The following PPARGC1A variants were observed in gnomAD, a reference collection of about 807,000 sequenced individuals.
The protein encoded by PPARGC1A is PPARG coactivator 1 alpha.
Under a neutral mutation model 88.7 loss-of-function variants are expected in PPARGC1A, and 25 were observed. The ratio of observed to expected loss-of-function variants is 0.28; its 90% CI spans 0.21 to 0.39. The LOEUF is 0.39. Ranked by LOEUF, PPARGC1A falls within the 10% of genes least tolerant of loss-of-function variation. The pLI is 1.00. For missense variants in PPARGC1A, 880 were observed against 968.7 expected, an observed-to-expected ratio of 0.91 and a Z score of 1.22; for synonymous variants, 363 against 355.6, an observed-to-expected ratio of 1.02 and a Z score of -0.24.
chr4:24,452,127 A>C, the PPARGC1A span, among the ~76,000 whole-genome samples: 29 of 151,826 alleles, frequency 1.9e-4, 1 homozygote, highest in African/African-American at 7.0e-4. Context: ...ATTACAACTC[A>C]AACTGAAACT....
chr4:24,041,648 G>A, the PPARGC1A span, among the ~76,000 whole-genome samples: 1 of 152,222 alleles, frequency 6.6e-6, no homozygotes, highest in Admixed American at 6.5e-5. Context: ...AAGCCTAAAT[G>A]AAAAGAGTAT....
chr4:24,163,771 C>T, the PPARGC1A span, among the ~76,000 whole-genome samples: 2 of 152,174 alleles, frequency 1.3e-5, no homozygotes, highest in African/African-American at 4.8e-5. Context: ...ATGCTTTAGC[C>T]AGTTAGAAAC....
the PPARGC1A span, among the ~76,000 whole-genome samples, chr4:24,296,191 A>ATGTG: frequency 6.8e-6 from 1 of 147,694 alleles, no homozygotes; most frequent in African/African-American, 2.5e-5. Context: ...GTATGTGTGT[A>ATGTG]TGTGTGTGTG....
At chr4:23,832,679 G>T (rs1298607916) in intron 2 of PPARGC1A, among the ~76,000 whole-genome samples, 1 of 148,478 alleles carries the variant, frequency 6.7e-6, no homozygotes, top group South Asian at 2.1e-4. Context: ...GCGCGATCTC[G>T]GCTCACTGCA....
At chr4:23,913,239 A>ATT in the PPARGC1A span, among the ~76,000 whole-genome samples, 163 of 112,580 alleles carry the variant, frequency 1.4e-3, 4 homozygotes, top group Admixed American at 0.013. Flanking sequence ...TATATTATAT[A>ATT]TTTTATATAT....
intron 2 of PPARGC1A, among the ~76,000 whole-genome samples, chr4:23,834,516 T>C (rs1032657108): frequency 2.6e-5 from 4 of 151,672 alleles, no homozygotes; most frequent in South Asian, 2.1e-4. Flanking sequence ...AAACCTCTAG[T>C]TTAGGAGGCA....
chr4:24,036,145 T>C, the PPARGC1A span, among the ~76,000 whole-genome samples: 2 of 152,324 alleles, frequency 1.3e-5, no homozygotes, highest in Admixed American at 1.3e-4. Flanking sequence ...CATAGAGTTA[T>C]TGTGAGAATT....
chr4:24,455,968 C>T, the PPARGC1A span, among the ~76,000 whole-genome samples: 1 of 152,174 alleles, frequency 6.6e-6, no homozygotes, highest in Non-Finnish European at 1.5e-5. Context: ...AGATAGGCTG[C>T]TTTAGACACT....
the PPARGC1A span, among the ~76,000 whole-genome samples, chr4:24,370,073 C>G: frequency 6.6e-6 from 1 of 152,258 alleles, no homozygotes; most frequent in East Asian, 1.9e-4. Flanking sequence ...GAAAAACAAG[C>G]TTCAGGCTCA....
At chr4:24,298,023 G>A in the PPARGC1A span, among the ~76,000 whole-genome samples, 1 of 152,146 alleles carries the variant, frequency 6.6e-6, no homozygotes, top group Non-Finnish European at 1.5e-5. Context: ...CAGAGATGGA[G>A]ATAACAGAAA....
At chr4:24,372,403 C>T in the PPARGC1A span, among the ~76,000 whole-genome samples, 3 of 152,092 alleles carry the variant, frequency 2.0e-5, no homozygotes, top group Admixed American at 6.5e-5. Context: ...TTAAGCTTCC[C>T]CTGTGGTTCT....
chr4:24,416,001 G>A, the PPARGC1A span, among the ~76,000 whole-genome samples: 1 of 152,116 alleles, frequency 6.6e-6, no homozygotes, highest in Non-Finnish European at 1.5e-5. Flanking sequence ...CCAGCAAGGG[G>A]TCGTGATTAA....
At chr4:24,181,390 T>G in the PPARGC1A span, among the ~76,000 whole-genome samples, 5 of 152,232 alleles carry the variant, frequency 3.3e-5, no homozygotes, top group African/African-American at 1.2e-4. Flanking sequence ...AGGATAATAT[T>G]GGTAGCTACC....
At chr4:24,155,622 A>T in the PPARGC1A span, among the ~76,000 whole-genome samples, 9 of 151,812 alleles carry the variant, frequency 5.9e-5, no homozygotes, top group Non-Finnish European at 1.0e-4. Flanking sequence ...ATACAAGAGG[A>T]ATATGATCAT....
At chr4:24,075,412 C>A in the PPARGC1A span, among the ~76,000 whole-genome samples, 1 of 152,146 alleles carries the variant, frequency 6.6e-6, no homozygotes. Flanking sequence ...TCAAAACTTT[C>A]ATATCCAGAA....
chr4:24,281,099 T>C, the PPARGC1A span, among the ~76,000 whole-genome samples: 36 of 152,322 alleles, frequency 2.4e-4, no homozygotes, highest in African/African-American at 6.5e-4. Flanking sequence ...GAAGGAGGTA[T>C]AGGCTTGACA....
the PPARGC1A span, among the ~76,000 whole-genome samples, chr4:24,103,780 A>G: frequency 6.6e-6 from 1 of 152,162 alleles, no homozygotes; most frequent in East Asian, 1.9e-4. Context: ...AACAAGAGGA[A>G]CTATCTCGCA....
At chr4:24,003,540 C>T in the PPARGC1A span, among the ~76,000 whole-genome samples, 1 of 152,088 alleles carries the variant, frequency 6.6e-6, no homozygotes, top group Non-Finnish European at 1.5e-5. Context: ...CAGCTGACAC[C>T]GATTTCAGGT....
chr4:24,253,084 A>G, the PPARGC1A span, among the ~76,000 whole-genome samples: 1 of 152,178 alleles, frequency 6.6e-6, no homozygotes, highest in South Asian at 2.1e-4. Context: ...TTTTTTAAAA[A>G]GTCTCTCCTC....
Sources: allele counts gnomAD v4.1 joint callset (sites outside exome capture counted in the v4.1 genomes callset), GRCh38; gene constraint gnomAD v4.1.1; transcripts MANE v1.5; gene names NCBI Gene and HGNC (gene_info 2026-07-23, HGNC 2026-07-21).